Variants in TBC1D5 observed in about 807,000 individuals in gnomAD.
TBC1D5 encodes TBC1 domain family member 5.
A neutral mutation model predicts 100.3 loss-of-function variants in TBC1D5; 75 were observed. The ratio of observed to expected loss-of-function variants is 0.75; its 90% CI spans 0.62 to 0.91. The LOEUF is 0.91. Ranked by LOEUF, TBC1D5 falls within the 40% of genes least tolerant of loss-of-function variation. The pLI, the probability that TBC1D5 is intolerant of heterozygous loss-of-function variation, is 0.00. For missense variants in TBC1D5, 910 were observed against 942.4 expected (o/e 0.97, Z 0.45); for synonymous variants, 323 against 325.6 (o/e 0.99, Z 0.09).
At chr3:17,660,633 T>C (rs991938587) in intron 1 of TBC1D5, among the ~76,000 whole-genome samples, 34 of 152,224 alleles carry the variant, frequency 2.2e-4, no homozygotes, top group African/African-American at 7.5e-4. Context: ...GGACAGTAGC[T>C]ATCCTATAAA....
chr3:17,699,509 A>G (rs1184231189), intron 1 of TBC1D5, among the ~76,000 whole-genome samples: 36 of 138,256 alleles, frequency 2.6e-4, no homozygotes, highest in African/African-American at 8.8e-4. Flanking sequence ...TAACCTGCAC[A>G]TTGTGCACAT....
At chr3:17,724,133 G>A (rs1033944303) in intron 1 of TBC1D5, among the ~76,000 whole-genome samples, 10 of 143,542 alleles carry the variant, frequency 7.0e-5, no homozygotes, top group South Asian at 2.2e-4. Context: ...AGGCTGGACC[G>A]CAGTAGCACA....
At chr3:17,739,852 A>C (rs2077262194) in exon 1 of TBC1D5, 1 of 151,328 alleles carries the variant, frequency 6.6e-6, no homozygotes, top group Admixed American at 6.6e-5. Flanking sequence ...TAAAAATACA[A>C]AAATTAGCCG....
chr3:17,291,640 A>G (rs1215814629), intron 15 of TBC1D5, among the ~76,000 whole-genome samples: 1 of 152,156 alleles, frequency 6.6e-6, no homozygotes, highest in Non-Finnish European at 1.5e-5. Flanking sequence ...TGAGGAAGGG[A>G]AAAGCATAGA....
chr3:17,203,348 T>G (rs999473323), intron 18 of TBC1D5, among the ~76,000 whole-genome samples: 1 of 152,204 alleles, frequency 6.6e-6, no homozygotes, highest in Non-Finnish European at 1.5e-5. Context: ...AGTAACTAGT[T>G]TTTAATTTTA....
At chr3:17,726,987 T>C (rs1043744542) in intron 1 of TBC1D5, among the ~76,000 whole-genome samples, 2 of 152,170 alleles carry the variant, frequency 1.3e-5, no homozygotes, top group Admixed American at 6.5e-5. Context: ...CGGCTACTAA[T>C]AGATAGTAAG....
intron 2 of TBC1D5, among the ~76,000 whole-genome samples, chr3:17,516,698 A>G (rs567769110): frequency 9.2e-5 from 14 of 152,232 alleles, no homozygotes; most frequent in Non-Finnish European, 1.9e-4. Flanking sequence ...GATATTATCC[A>G]ATAGGAATAA....
chr3:17,513,015 T>C (rs1268294362), intron 2 of TBC1D5, among the ~76,000 whole-genome samples: 1 of 152,036 alleles, frequency 6.6e-6, no homozygotes, highest in Non-Finnish European at 1.5e-5. Flanking sequence ...ACTTAAAAAA[T>C]CAAAGCAATA....
chr3:17,161,099 G>A (rs757887405), exon 22 of TBC1D5: 7 of 1,614,230 alleles, frequency 4.3e-6, no homozygotes, highest in Non-Finnish European at 5.1e-6. Flanking sequence ...GGAGCAGACT[G>A]GGGCCTGGCT....
intron 16 of TBC1D5, among the ~76,000 whole-genome samples, chr3:17,252,630 A>G (rs1164294686): frequency 6.6e-6 from 1 of 152,238 alleles, no homozygotes; most frequent in East Asian, 1.9e-4. Flanking sequence ...AAGAAAGCCT[A>G]GCGGCCAATA....
intron 18 of TBC1D5, among the ~76,000 whole-genome samples, chr3:17,188,282 T>C (rs2069401326): frequency 6.6e-6 from 1 of 152,174 alleles, no homozygotes; most frequent in Admixed American, 6.5e-5. Context: ...AACACAAATT[T>C]CCAAGTTTTC....
At chr3:17,356,264 T>C (rs1380601608) in intron 13 of TBC1D5, among the ~76,000 whole-genome samples, 3 of 152,178 alleles carry the variant, frequency 2.0e-5, no homozygotes, top group East Asian at 1.9e-4. Flanking sequence ...TTTGCTGAAA[T>C]AGCAGGGTGA....
intron 1 of TBC1D5, chr3:17,705,913 C>T (rs2074079600): frequency 3.2e-5 from 30 of 934,476 alleles, no homozygotes; most frequent in South Asian, 1.2e-4. Context: ...TCCTTGCCCT[C>T]GGGCCCGCGG....
intron 4 of TBC1D5, among the ~76,000 whole-genome samples, chr3:17,416,175 A>C (rs531069666): frequency 3.3e-5 from 5 of 152,208 alleles, no homozygotes; most frequent in African/African-American, 1.2e-4. Flanking sequence ...AAAATCAATT[A>C]TATTTTAACT....
intron 1 of TBC1D5, among the ~76,000 whole-genome samples, chr3:17,701,530 G>A (rs2073202752): frequency 6.6e-6 from 1 of 152,154 alleles, no homozygotes; most frequent in Non-Finnish European, 1.5e-5. Flanking sequence ...AGCTACTACA[G>A]AGGCGGAGTT....
intron 3 of TBC1D5, among the ~76,000 whole-genome samples, chr3:17,438,678 G>A (rs975571958): frequency 4.6e-5 from 7 of 152,122 alleles, no homozygotes; most frequent in African/African-American, 1.7e-4. Flanking sequence ...TCATAGCAGT[G>A]TGAGCACAGA....
intron 9 of TBC1D5, among the ~76,000 whole-genome samples, chr3:17,383,609 C>T (rs956827465): frequency 1.3e-5 from 2 of 151,956 alleles, no homozygotes; most frequent in Non-Finnish European, 2.9e-5. Flanking sequence ...ACATACAACT[C>T]TGAAATTTTA....
Position 17,284,035 on chromosome 3 carries a change from A to G in TBC1D5, c.1245+7860T>C, listed in dbSNP as rs112741701. Among the ~76,000 whole-genome samples the G allele has an allele frequency of 2.5e-3, 380 of 150,012 alleles. 1 individual carries two copies. The highest frequency in any genetic ancestry group is 4.1e-3 in the Non-Finnish European group (276 of 67,638). ...CCTCCTCAGAAGGGCTTTTTGACCA[A>G]CCTACCTAAATTAGGTCTTCTCTCA... On this transcript the variant is annotated intron_variant, in intron 15 of 21. Coordinates refer to ENST00000253692, the Ensembl canonical transcript of TBC1D5.
At chr3:17,593,084 G>C (rs2060336733) in intron 2 of TBC1D5, among the ~76,000 whole-genome samples, 1 of 152,134 alleles carries the variant, frequency 6.6e-6, no homozygotes, top group Non-Finnish European at 1.5e-5. Context: ...ACATGAGGAA[G>C]TAGCTCAAAT....
Sources: allele counts gnomAD v4.1 joint callset (sites outside exome capture counted in the v4.1 genomes callset), GRCh38; gene constraint gnomAD v4.1.1; transcripts MANE v1.5; gene names NCBI Gene and HGNC (gene_info 2026-07-23, HGNC 2026-07-21).